The following ADGRD1 variants were observed in gnomAD, a reference collection of about 807,000 sequenced individuals.
ADGRD1 encodes G-protein coupled receptor 133.
A neutral mutation model predicts 113.4 loss-of-function variants in ADGRD1; 77 were observed. The ratio of observed to expected loss-of-function variants is 0.68; its 90% confidence interval spans 0.57 to 0.82. The LOEUF (loss-of-function observed/expected upper bound fraction) is 0.82. Among genes scored for constraint, ADGRD1 ranks in the 40% least tolerant of loss-of-function variants. The probability of loss-of-function intolerance (pLI) is 0.00; values close to 1 mark genes in which losing one functional copy is unlikely to be tolerated. For synonymous variants in ADGRD1, 474 were observed against 475.0 expected (o/e 1.00, Z 0.03); for missense variants, 1,036 against 1,139.1 (o/e 0.91, Z 1.30).
Position 130,993,122 on chromosome 12 carries a change from C to G in ADGRD1, c.966+730C>G, listed in dbSNP as rs113752762. ...CCTAACATCTCTGCCTCACTTGGCT[C>G]CTGAGATGTGGAGGAAATAATAACA... is the stretch of plus-strand genomic sequence containing the variant. On this transcript the variant is annotated intron_variant, in intron 8 of 24. Transcript: ENST00000261654. Among the ~76,000 whole-genome samples, 1,190 of 152,126 alleles carry G rather than the reference C, an allele frequency of 7.8e-3. 11 individuals are homozygous for G. The highest frequency in any genetic ancestry group is 0.027 in the African/African-American group (1,138 of 41,506).
chr12:131,108,833 G>A lies in ADGRD1; in HGVS notation c.1997G>A (p.Gly666Glu). ...TACAGCATGGTGATCAAGGTCTTTG[G>A]GTCGGAGGACAGCAAGCACCGTTAC... Reference protein sequence around the residue: ...HLYSMVIKVFGSEDSKHRYYY... With the variant: ...HLYSMVIKVFESEDSKHRYYY... Residue 666 changes from glycine to glutamate, a missense_variant, in exon 18 of 25, where the codon GGG becomes GAG. Transcript: ENST00000261654. The A allele has an allele frequency of 1.2e-6, 2 of 1,613,842 alleles. No individual in the cohort carries two copies. Among genetic ancestry groups the A allele is most frequent in the Non-Finnish European group, 1.7e-6 (2 of 1,179,962 alleles).
chr12:130,960,962 G>A (rs551642672), intron 2 of ADGRD1, among the ~76,000 whole-genome samples: 1 of 152,328 alleles, frequency 6.6e-6, no homozygotes, highest in South Asian at 2.1e-4. Context: ...AGTGGGAACA[G>A]CAGGCAAAGT....
chr12:130,985,262 A>T (rs1873513111), intron 5 of ADGRD1, among the ~76,000 whole-genome samples: 1 of 152,092 alleles, frequency 6.6e-6, no homozygotes, highest in Admixed American at 6.5e-5. Flanking sequence ...TTTGGATAAT[A>T]GTCCTTTATC....
intron 14 of ADGRD1, among the ~76,000 whole-genome samples, chr12:131,077,874 C>G (rs772657332): frequency 1.3e-5 from 2 of 152,202 alleles, no homozygotes; most frequent in Non-Finnish European, 2.9e-5. Context: ...CTCTCAAAGT[C>G]CTGGGACTAC....
chr12:130,957,608 AT>A (rs1201807863), intron 2 of ADGRD1: 3 of 152,262 alleles, frequency 2.0e-5, no homozygotes, highest in African/African-American at 7.2e-5. Flanking sequence ...GTGCACTTGC[AT>A]TTTTGTATCT....
chr12:131,107,248 A>AG (rs1179789445), intron 17 of ADGRD1, among the ~76,000 whole-genome samples: 8 of 150,936 alleles, frequency 5.3e-5, no homozygotes, highest in Admixed American at 4.6e-4. Context: ...TCTGAATCCC[A>AG]GGGAAGGGCT....
intron 8 of ADGRD1, among the ~76,000 whole-genome samples, chr12:130,997,851 G>A (rs1433034499): frequency 2.6e-5 from 4 of 152,352 alleles, no homozygotes; most frequent in East Asian, 1.9e-4. Flanking sequence ...GCCAAGGCAG[G>A]CGGCTGGGAG....
At chr12:131,051,102 A>G (rs1883342922) in intron 13 of ADGRD1, among the ~76,000 whole-genome samples, 1 of 152,208 alleles carries the variant, frequency 6.6e-6, no homozygotes, top group Non-Finnish European at 1.5e-5. Flanking sequence ...TTATAGTTCA[A>G]CATGAGATTT....
At chr12:131,081,814 G>T (rs1439531352) in intron 14 of ADGRD1, among the ~76,000 whole-genome samples, 1 of 151,798 alleles carries the variant, frequency 6.6e-6, no homozygotes, top group Non-Finnish European at 1.5e-5. Flanking sequence ...TGCAGTTCTG[G>T]TCCACTGGCA....
At position 130,954,519 on chromosome 12, in the gene ADGRD1, T is replaced by C; in HGVS notation, c.54T>C (p.Tyr18=). ...GGTACTCCTGGCTGCTGCTATTTTA[T>C]TACAACTTTCAGGTAATGTCCCCAA... ...CCWYSWLLLF[Y]YNFQVRGVYS... The change falls in exon 1 of 25, where the codon TAT becomes TAC. Residue 18 remains tyrosine (Y), a synonymous_variant. Coordinates refer to ENST00000261654, the MANE Select transcript of ADGRD1 (RefSeq NM_198827.5). The surrounding 1 kb of genome is among the most constrained non-coding windows in gnomAD (Gnocchi z 4.7). 3.7e-6 allele frequency: 6 copies of C among 1,606,248 alleles called. No individual in the cohort carries two copies. Among genetic ancestry groups the C allele is most frequent in the Non-Finnish European group, 5.1e-6 (6 of 1,175,150 alleles).
intron 12 of ADGRD1, among the ~76,000 whole-genome samples, chr12:131,008,482 G>A (rs957685834): frequency 2.6e-5 from 4 of 152,208 alleles, no homozygotes; most frequent in African/African-American, 9.7e-5. Context: ...AAGTCAGTAC[G>A]TGAGTCTCAG....
At chr12:131,092,306 G>A (rs1886962385) in intron 15 of ADGRD1, among the ~76,000 whole-genome samples, 6 of 152,208 alleles carry the variant, frequency 3.9e-5, no homozygotes, top group Admixed American at 3.9e-4. Context: ...GGGGACTGGT[G>A]CCGTGGAAGG....
chr12:131,123,038 A>AGTTTTTT (rs1950637601), intron 20 of ADGRD1, among the ~76,000 whole-genome samples: 13 of 35,376 alleles, frequency 3.7e-4, no homozygotes, highest in Non-Finnish European at 6.5e-4. Context: ...TTACCTGGGG[A>AGTTTTTT]GTTTTTTTTT....
At chr12:131,098,946 G>A (rs765760885) in intron 15 of ADGRD1, among the ~76,000 whole-genome samples, 4 of 152,188 alleles carry the variant, frequency 2.6e-5, no homozygotes, top group Admixed American at 6.5e-5. Context: ...CATTTACTGC[G>A]GCTGCCTCAG....
chr12:131,060,304 C>T lies in ADGRD1; in HGVS notation c.1474-16497C>T, dbSNP rs549008158. On this transcript the variant is annotated intron_variant, in intron 13 of 24. Transcript: ENST00000261654. The surrounding 1 kb of genome is among the most constrained non-coding windows in gnomAD (Gnocchi z 4.4). ...GGCTGGGTGGGGCCACACTTTCTCC[C>T]GTGGTATTTGGAGTAGCTAATTACT... 5.3e-5 allele frequency among the ~76,000 whole-genome samples: 8 copies of T among 152,364 alleles called. No individual in the cohort carries two copies. The highest frequency in any genetic ancestry group is 1.3e-4 in the Admixed American group (2 of 15,308).
rs71095334 is a variant in ADGRD1, at chr12:131,101,377, C to CTTTTTTTTTTT, written c.1672-3437_1672-3427dup. On this transcript the variant is annotated intron_variant, in intron 15 of 24. Transcript: ENST00000261654. ...TTATTTTTTTTCTTTTTCTTTCTTT[C>CTTTTTTTTTTT]TTTTTTTTTTTTTTTTTTTTTTTTT... is the stretch of plus-strand genomic sequence containing the variant. Among the ~76,000 whole-genome samples, 47 of 36,150 alleles carry CTTTTTTTTTTT rather than the reference C, an allele frequency of 1.3e-3. 6 individuals are homozygous for CTTTTTTTTTTT. The highest frequency in any genetic ancestry group is 2.6e-3 in the African/African-American group (28 of 10,888). The allele number at this position is 36,150 out of a possible 152,430, so 23.7% of individuals were successfully genotyped here.
At chr12:131,131,215 G>A (rs1950917053) in intron 20 of ADGRD1, among the ~76,000 whole-genome samples, 1 of 152,200 alleles carries the variant, frequency 6.6e-6, no homozygotes. Flanking sequence ...CAGCAAGGAG[G>A]GGTGCTGGCA....
Position 131,014,577 on chromosome 12 carries a change from C to A in ADGRD1, c.1473+237C>A, listed in dbSNP as rs115354133. Among the ~76,000 whole-genome samples, 830 of 152,270 alleles carry A rather than the reference C, an allele frequency of 5.5e-3. 10 individuals are homozygous for A. The highest frequency in any genetic ancestry group is 0.019 in the African/African-American group (800 of 41,550). ...GGTGTCGATGTTGGGGAAGAGGCGTCGAGGTGGCTCTCCTAGACGTGTGGA... is the reference window on the plus strand; with the variant it reads ...GGTGTCGATGTTGGGGAAGAGGCGTAGAGGTGGCTCTCCTAGACGTGTGGA... On this transcript the variant is annotated intron_variant, in intron 13 of 24. Transcript: ENST00000261654.
chr12:130,998,962 T>C (rs1019533049), intron 8 of ADGRD1, among the ~76,000 whole-genome samples: 2 of 152,238 alleles, frequency 1.3e-5, no homozygotes, highest in Non-Finnish European at 2.9e-5. Flanking sequence ...AAGGGAAATA[T>C]CTAATTAGTA....
Sources: gnomAD v4.1 joint callset for allele counts (sites outside exome capture counted in the v4.1 genomes callset) on GRCh38, gnomAD v4.1.1 for gene constraint, Gnocchi (gnomAD v3.1) non-coding constraint, MANE v1.5 for transcripts, NCBI Gene and HGNC (gene_info 2026-07-23, HGNC 2026-07-21) for gene names.